TMEM178B: variants seen among roughly 807,000 people sequenced by gnomAD.
TMEM178B encodes the protein transmembrane protein 178B.
Under a neutral mutation model 31.0 loss-of-function variants are expected in TMEM178B, and 5 were observed. The observed-to-expected ratio is 0.16, with a 90% CI of 0.08 to 0.34. The LOEUF is 0.34. TMEM178B is among the 10% of genes least tolerant of loss of function. TMEM178B has a pLI of 1.00. For synonymous variants in TMEM178B, 164 were observed against 164.0 expected (o/e 1.00, Z 0.00); for missense variants, 275 against 400.3 (o/e 0.69, Z 2.67).
intron 3 of TMEM178B, among the ~76,000 whole-genome samples, chr7:141,440,349 T>TA (rs1204519500): frequency 6.6e-6 from 1 of 152,148 alleles, no homozygotes; most frequent in African/African-American, 2.4e-5. Context: ...TTTAAAAAAA[T>TA]ACTGATGCTG....
At chr7:141,145,220 C>T (rs550466447) in intron 1 of TMEM178B, among the ~76,000 whole-genome samples, 4 of 152,266 alleles carry the variant, frequency 2.6e-5, no homozygotes, top group South Asian at 2.1e-4. Context: ...CTGCTGCCCT[C>T]GGTCAGTCCC....
At chr7:141,097,543 C>A (rs1281306200) in intron 1 of TMEM178B, among the ~76,000 whole-genome samples, 19 of 151,972 alleles carry the variant, frequency 1.3e-4, no homozygotes, top group Admixed American at 1.2e-3. Context: ...TTAACCTCAT[C>A]CTGGTTACTA....
chr7:141,221,736 C>T (rs1384046309), intron 2 of TMEM178B, among the ~76,000 whole-genome samples: 1 of 152,098 alleles, frequency 6.6e-6, no homozygotes, highest in Non-Finnish European at 1.5e-5. Context: ...GATGGGTGTT[C>T]TGAAGATGGG....
intron 3 of TMEM178B, among the ~76,000 whole-genome samples, chr7:141,443,293 A>G (rs1437374468): frequency 6.6e-6 from 1 of 152,144 alleles, no homozygotes; most frequent in Non-Finnish European, 1.5e-5. Flanking sequence ...TTATTAGCCA[A>G]CGGCCCCAGC....
chr7:141,294,672 A>G (rs1186183516), intron 2 of TMEM178B, among the ~76,000 whole-genome samples: 3 of 152,158 alleles, frequency 2.0e-5, no homozygotes, highest in Non-Finnish European at 4.4e-5. Flanking sequence ...CAGCAAAAAC[A>G]AAGTTGGTTT....
At chr7:141,234,113 A>C (rs6951201) in intron 2 of TMEM178B, among the ~76,000 whole-genome samples, 58,055 of 152,070 alleles carry the variant, frequency 0.38, 11,372 homozygotes, top group East Asian at 0.65. Flanking sequence ...GCCTCTTGCT[A>C]GTCTACAGTT....
chr7:141,447,209 T>C (rs946277814), intron 3 of TMEM178B, among the ~76,000 whole-genome samples: 1 of 151,896 alleles, frequency 6.6e-6, no homozygotes, highest in Admixed American at 6.6e-5. Flanking sequence ...ATAAGAACTA[T>C]GGAGAAAAAT....
intron 2 of TMEM178B, among the ~76,000 whole-genome samples, chr7:141,342,985 G>T (rs1403251754): frequency 6.6e-6 from 1 of 152,196 alleles, no homozygotes; most frequent in Admixed American, 6.5e-5. Flanking sequence ...AACTTTAGCT[G>T]TATGGGACTC....
At chr7:141,149,830 G>A (rs1044915624) in intron 1 of TMEM178B, among the ~76,000 whole-genome samples, 7 of 152,200 alleles carry the variant, frequency 4.6e-5, no homozygotes, top group Admixed American at 2.0e-4. Flanking sequence ...CCAACGTCTC[G>A]ATTTTGTCCT....
At chr7:141,168,286 A>G (rs540587336) in intron 1 of TMEM178B, among the ~76,000 whole-genome samples, 6 of 152,194 alleles carry the variant, frequency 3.9e-5, no homozygotes, top group South Asian at 4.2e-4. Context: ...GTGACCTTCA[A>G]TTTAATGCAA....
At chr7:141,223,259 G>A (rs1188354706) in intron 2 of TMEM178B, among the ~76,000 whole-genome samples, 1 of 152,096 alleles carries the variant, frequency 6.6e-6, no homozygotes, top group Non-Finnish European at 1.5e-5. Flanking sequence ...GGCCATAGAG[G>A]TGACATTACT....
intron 2 of TMEM178B, among the ~76,000 whole-genome samples, chr7:141,401,599 T>C (rs1800773786): frequency 6.6e-6 from 1 of 152,196 alleles, no homozygotes; most frequent in Non-Finnish European, 1.5e-5. Context: ...ATTTTTTTAT[T>C]TTTTTAGAGA....
chr7:141,407,338 G>C (rs1426275457), intron 2 of TMEM178B, among the ~76,000 whole-genome samples: 1 of 152,190 alleles, frequency 6.6e-6, no homozygotes, highest in Non-Finnish European at 1.5e-5. Context: ...GTATTTCACA[G>C]TCTGGAGCAT....
At chr7:141,488,277 G>A in the TMEM178B span, among the ~76,000 whole-genome samples, 8 of 152,064 alleles carry the variant, frequency 5.3e-5, no homozygotes. Context: ...AGCCCCCAGA[G>A]GTCTGCCTTT....
intron 1 of TMEM178B, among the ~76,000 whole-genome samples, chr7:141,119,084 G>A (rs962730401): frequency 1.3e-5 from 2 of 152,208 alleles, no homozygotes; most frequent in African/African-American, 2.4e-5. Flanking sequence ...AGGGGCATGG[G>A]AGAAAGGAAG....
intron 2 of TMEM178B, among the ~76,000 whole-genome samples, chr7:141,337,750 A>T (rs577923792): frequency 6.6e-6 from 1 of 152,338 alleles, no homozygotes; most frequent in African/African-American, 2.4e-5. Context: ...AGTGAGGCCC[A>T]TGGGGCTCTT....
chr7:141,298,155 C>T (rs1470466600), intron 2 of TMEM178B, among the ~76,000 whole-genome samples: 2 of 152,154 alleles, frequency 1.3e-5, no homozygotes, highest in Non-Finnish European at 2.9e-5. Context: ...TAAATGTCTT[C>T]TTTTGAGAAG....
At chr7:141,296,269 T>C (rs1798631577) in intron 2 of TMEM178B, among the ~76,000 whole-genome samples, 1 of 152,124 alleles carries the variant, frequency 6.6e-6, no homozygotes, top group Non-Finnish European at 1.5e-5. Flanking sequence ...GGTTTCACCA[T>C]GTTGGCCAGG....
intron 2 of TMEM178B, among the ~76,000 whole-genome samples, chr7:141,421,314 G>A (rs1444480406): frequency 6.6e-6 from 1 of 152,190 alleles, no homozygotes; most frequent in African/African-American, 2.4e-5. Context: ...ACTTTGTAAA[G>A]ACTGGTATAT....
Sources: allele counts gnomAD v4.1 joint callset (sites outside exome capture counted in the v4.1 genomes callset), GRCh38; gene constraint gnomAD v4.1.1; transcripts MANE v1.5; gene names NCBI Gene and HGNC (gene_info 2026-07-23, HGNC 2026-07-21).